PSTPIP1: variants seen among roughly 807,000 people sequenced by gnomAD.
PSTPIP1 encodes proline-serine-threonine phosphatase interacting protein 1.
In PSTPIP1, 66 loss-of-function variants were observed where a neutral mutation model predicts 69.6. The ratio of observed to expected loss-of-function variants is 0.95; its 90% CI spans 0.78 to 1.16. The LOEUF (loss-of-function observed/expected upper bound fraction) is 1.16. Ranked by LOEUF, PSTPIP1 falls within the 50% of genes most tolerant of loss-of-function variation. PSTPIP1 has a pLI of 0.00. For missense variants in PSTPIP1, 603 were observed against 557.4 expected, an observed-to-expected ratio of 1.08 and a Z score of -0.82; for synonymous variants, 266 against 222.7, an observed-to-expected ratio of 1.19 and a Z score of -1.73.
chr15:77,014,937 C>G (rs1294390543), intron 1 of PSTPIP1, among the ~76,000 whole-genome samples: 2 of 152,254 alleles, frequency 1.3e-5, no homozygotes, highest in African/African-American at 4.8e-5. Flanking sequence ...GGTCCCACAT[C>G]TGGCTCAAGT....
At chr15:76,997,639 C>T (rs943531987) in intron 1 of PSTPIP1, among the ~76,000 whole-genome samples, 25 of 152,162 alleles carry the variant, frequency 1.6e-4, no homozygotes, top group Admixed American at 1.4e-3. Context: ...GGCTTTAGCA[C>T]TTGTGTTGTT....
intron 1 of PSTPIP1, among the ~76,000 whole-genome samples, chr15:77,003,605 G>A (rs2152666586): frequency 6.6e-6 from 1 of 151,886 alleles, no homozygotes; most frequent in Middle Eastern, 3.4e-3. Context: ...GCAGTGAGCT[G>A]AGGTTTCACA....
At chr15:77,029,740 C>A (rs2076372388) in intron 8 of PSTPIP1, among the ~76,000 whole-genome samples, 166 bp downstream of exon 8, 1 of 152,198 alleles carries the variant, frequency 6.6e-6, no homozygotes, top group African/African-American at 2.4e-5. Context: ...TGTGTTCCCC[C>A]ATTCGCCAGC....
In PSTPIP1 at chr15:77,037,226, T is replaced by A. The variant is rs766483694; in HGVS notation, c.*50T>A. ...CCTGCCCTGCCAGTGGAGCCAGCAG[T>A]GCCCCCAGCACTGTCCCCACCTTGC... On this transcript the variant is annotated 3_prime_UTR_variant, in exon 15 of 15. Coordinates refer to ENST00000558012, the MANE Select transcript of PSTPIP1 (RefSeq NM_003978.5). The A allele has an allele frequency of 6.4e-7, 1 of 1,554,006 alleles. No homozygotes were observed. The highest frequency in any genetic ancestry group is 1.2e-5 in the South Asian group (1 of 85,212).
chr15:77,008,149 C>A, intron 1 of PSTPIP1: 1 of 443,488 alleles, frequency 2.3e-6, no homozygotes, highest in Non-Finnish European at 4.5e-6. Flanking sequence ...ATACTAAACG[C>A]AGCCAGGTGT....
At chr15:76,994,708 C>A (rs2075537360), upstream of PSTPIP1, 3 of 1,263,078 alleles carry the variant, frequency 2.4e-6, no homozygotes, top group South Asian at 2.5e-5. Flanking sequence ...CACAGCCCCC[C>A]AGAGCACAGC....
chr15:77,035,136 T>A lies in PSTPIP1; in HGVS notation c.930-372T>A, dbSNP rs2076526143. 2.0e-5 allele frequency among the ~76,000 whole-genome samples: 3 copies of A among 152,330 alleles called. No homozygotes were observed. In the Middle Eastern group the frequency reaches 0.01, roughly 518 times the overall value. ...GGGCCTGGAGGGTGAGGACTGGGCA[T>A]CTTCCCACGAGGCCTCAGTGCGGAG... is the stretch of plus-strand genomic sequence containing the variant. On this transcript the variant is annotated intron_variant, in intron 12 of 14. Coordinates refer to ENST00000558012, the MANE Select transcript of PSTPIP1 (RefSeq NM_003978.5).
intron 1 of PSTPIP1, among the ~76,000 whole-genome samples, chr15:77,005,841 A>G (rs1282243037): frequency 1.3e-5 from 2 of 152,220 alleles, no homozygotes; most frequent in Non-Finnish European, 2.9e-5. Context: ...TTATGACAAA[A>G]TACTATTCCA....
chr15:77,005,208 A>T (rs2075791977), intron 1 of PSTPIP1, among the ~76,000 whole-genome samples: 1 of 152,144 alleles, frequency 6.6e-6, no homozygotes, highest in South Asian at 2.1e-4. Context: ...ACATGGTGAA[A>T]CCCTGTCTCT....
chr15:77,028,592 C>T lies in PSTPIP1; in HGVS notation c.456C>T (p.Asp152=), dbSNP rs757398558. The change falls in exon 7 of 15, where the codon GAC becomes GAT. Residue 152 remains aspartate, a synonymous_variant. Transcript: ENST00000558012. ...ACGAGCAGAAGTGCCGGGACGCGGACGACGCGGAGCAGGCCTTCGAGCGCA... is the reference window on the plus strand; with the variant it reads ...ACGAGCAGAAGTGCCGGGACGCGGATGACGCGGAGCAGGCCTTCGAGCGCA... ...KTYEQKCRDA[D]DAEQAFERIS... 3.7e-6 allele frequency: 6 copies of T among 1,603,262 alleles called. No individual in the cohort carries two copies. The highest frequency in any genetic ancestry group is 1.7e-5 in the Admixed American group (1 of 58,552).
chr15:77,032,887 C>G lies in PSTPIP1; in HGVS notation c.864C>G (p.Tyr288Ter). 6.3e-7 allele frequency: 1 copy of G among 1,599,956 alleles called. No individual in the cohort carries two copies. Among genetic ancestry groups the G allele is most frequent in the East Asian group, 2.2e-5 (1 of 44,510 alleles). ...PPAPVPYQNY[Y>*]DREVTPLTSS... The stretch of plus-strand genomic sequence containing the variant: ...CTCCGGTGCCCTACCAGAACTATTA[C>G]GATCGGGAGGTCACCCCGCTGACCA... The change falls in exon 12 of 15, where the codon TAC (tyrosine) becomes TAG (stop). Residue 288 changes from tyrosine to a stop codon, truncating the protein, a stop_gained. Transcript: ENST00000558012. LOFTEE classifies it high-confidence loss of function.
At chr15:77,033,898 C>CA (rs1174415380) in intron 12 of PSTPIP1, among the ~76,000 whole-genome samples, 1 of 152,170 alleles carries the variant, frequency 6.6e-6, no homozygotes, top group Non-Finnish European at 1.5e-5. Context: ...TCACATGCTA[C>CA]AAAAGCTTGT....
intron 1 of PSTPIP1, among the ~76,000 whole-genome samples, chr15:77,000,266 G>A (rs1437406505): frequency 6.6e-6 from 1 of 152,140 alleles, no homozygotes; most frequent in Non-Finnish European, 1.5e-5. Context: ...AGCCACTGGT[G>A]CCTTTTCCCT....
At chr15:77,004,299 A>T (rs1452013343) in intron 1 of PSTPIP1, among the ~76,000 whole-genome samples, 1 of 152,256 alleles carries the variant, frequency 6.6e-6, no homozygotes, top group African/African-American at 2.4e-5. Context: ...TGGAACAGGC[A>T]GGAGAGCGAC....
intron 10 of PSTPIP1, 46 bp from the exon 11 acceptor site, chr15:77,032,252 G>A: frequency 6.3e-7 from 1 of 1,578,820 alleles, no homozygotes; most frequent in Non-Finnish European, 8.7e-7. Flanking sequence ...CCCACAGAGG[G>A]GCAGAGTGGG....
chr15:77,005,270 C>G (rs2075793711), intron 1 of PSTPIP1, among the ~76,000 whole-genome samples: 1 of 151,998 alleles, frequency 6.6e-6, no homozygotes, highest in African/African-American at 2.4e-5. Context: ...CCTGTAATCC[C>G]AGCTACTTGA....
chr15:77,012,544 T>C (rs1015548321), intron 1 of PSTPIP1, among the ~76,000 whole-genome samples: 19 of 152,104 alleles, frequency 1.2e-4, no homozygotes, highest in African/African-American at 4.6e-4. Flanking sequence ...CATCCATCCA[T>C]CCATCAAGTT....
Position 77,029,494 on chromosome 15 carries a change from AG to A in PSTPIP1, c.517-31del, listed in dbSNP as rs140508596. 1.5e-3 allele frequency: 2,268 copies of A among 1,559,926 alleles called. 30 individuals are homozygous for A. The African/African-American group carries it at 0.028, about 19-fold the overall frequency. ...TGGGGTGGGCCCTGGCTCCTGGGGC[AG>A]GGGCTTAGCGCTGCTTCCCCTCTGT... is the stretch of plus-strand genomic sequence containing the variant. On this transcript the variant is annotated intron_variant, in intron 7 of 14. Transcript: ENST00000558012.
At chr15:77,033,971 C>T (rs910285912) in intron 12 of PSTPIP1, among the ~76,000 whole-genome samples, 3 of 152,120 alleles carry the variant, frequency 2.0e-5, no homozygotes, top group African/African-American at 7.2e-5. Context: ...ATTTAAGCAA[C>T]TGGACAAAAG....
Sources: allele counts gnomAD v4.1 joint callset (sites outside exome capture counted in the v4.1 genomes callset), GRCh38; gene constraint gnomAD v4.1.1; transcripts MANE v1.5; gene names NCBI Gene and HGNC (gene_info 2026-07-23, HGNC 2026-07-21).